The following ZFHX4 variants were observed in gnomAD, a reference collection of about 807,000 sequenced individuals.
ZFHX4 encodes the protein zinc finger homeobox protein 4.
Under a neutral mutation model 267.6 loss-of-function variants are expected in ZFHX4, and 56 were observed. The ratio of observed to expected loss-of-function variants is 0.21; its 90% confidence interval spans 0.17 to 0.26. The LOEUF is 0.26. Among genes scored for constraint, ZFHX4 ranks in the 10% least tolerant of loss-of-function variants. The pLI, the probability that ZFHX4 is intolerant of heterozygous loss-of-function variation, is 1.00. For missense variants in ZFHX4, 4,332 were observed against 4,420.0 expected, an observed-to-expected ratio of 0.98 and a Z score of 0.56; for synonymous variants, 1,778 against 1,665.6, an observed-to-expected ratio of 1.07 and a Z score of -1.64.
At chr8:76,803,910 A>G (rs567934165) in intron 4 of ZFHX4, among the ~76,000 whole-genome samples, 1 of 152,282 alleles carries the variant, frequency 6.6e-6, no homozygotes, top group Admixed American at 6.6e-5. Context: ...TTGTAATTAT[A>G]CAAAAGTGAT....
chr8:76,784,774 A>G (rs1351270286), intron 4 of ZFHX4, among the ~76,000 whole-genome samples: 1 of 152,084 alleles, frequency 6.6e-6, no homozygotes, highest in African/African-American at 2.4e-5. Flanking sequence ...TTTAAAACTC[A>G]AGTGAATTTT....
intron 6 of ZFHX4, among the ~76,000 whole-genome samples, chr8:76,845,006 A>T (rs995044410): frequency 6.6e-6 from 1 of 152,134 alleles, no homozygotes. Flanking sequence ...TGTAAAAAAA[A>T]TACTAGCAAG....
chr8:76,700,582 C>T (rs1045213719), intron 1 of ZFHX4, among the ~76,000 whole-genome samples: 4 of 152,176 alleles, frequency 2.6e-5, no homozygotes, highest in Non-Finnish European at 5.9e-5. Flanking sequence ...AGAGTTTAGG[C>T]AGCAGTGACT....
chr8:76,863,742 A>G lies in ZFHX4; in HGVS notation c.10028A>G (p.Lys3343Arg). 6.4e-7 allele frequency: 1 copy of G among 1,555,202 alleles called. No individual in the cohort carries two copies. The highest frequency in any genetic ancestry group is 8.7e-7 in the Non-Finnish European group (1 of 1,148,920). The change falls in exon 11 of 11, where the codon AAA (lysine) becomes AGA (arginine). Residue 3343 changes from lysine to arginine, a missense_variant. By Grantham distance (26) the Lys-to-Arg change is conservative. Transcript: ENST00000651372. ...AAGCAACAGCAAGAACAGCAGCAGA[A>G]ACCAGTTCAGGCAAAGACATCCAAA... ...QQKQQQEQQQ[K>R]PVQAKTSKVE...
intron 3 of ZFHX4, among the ~76,000 whole-genome samples, chr8:76,708,989 A>G (rs1166197960): frequency 4.6e-5 from 7 of 152,214 alleles, no homozygotes; most frequent in Non-Finnish European, 8.8e-5. Context: ...AAATATGATT[A>G]CAAAATCCAT....
chr8:76,850,843 G>C (rs1443766273), intron 9 of ZFHX4, 43 bp from the exon 10 acceptor site: 2 of 1,462,532 alleles, frequency 1.4e-6, no homozygotes, highest in African/African-American at 2.9e-5. Context: ...TAAGGAGTAG[G>C]TTTTCTTATT....
At chr8:76,708,790 C>A (rs1429222129) in intron 3 of ZFHX4, among the ~76,000 whole-genome samples, 1 of 152,024 alleles carries the variant, frequency 6.6e-6, no homozygotes, top group East Asian at 1.9e-4. Context: ...TTTCTAAACC[C>A]TAATTACTGA....
At chr8:76,844,290 G>C (rs575981369) in intron 6 of ZFHX4, among the ~76,000 whole-genome samples, 1 of 152,242 alleles carries the variant, frequency 6.6e-6, no homozygotes, top group African/African-American at 2.4e-5. Flanking sequence ...TCACATAGTA[G>C]TACCAAAACA....
rs748889194 is a variant in ZFHX4, at chr8:76,864,478, A to C, written c.10764A>C (p.Leu3588Phe). 9 of 1,613,698 alleles carry C rather than the reference A, an allele frequency of 5.6e-6. No individual in the cohort carries two copies. Among genetic ancestry groups the C allele is most frequent in the Non-Finnish European group, 7.6e-6 (9 of 1,179,824 alleles). ...DSELSQKLED[L>F]DNSLEVKAKP... ...AGCTGAGCCAGAAGCTAGAAGACTT[A>C]GATAATTCTTTGGAAGTGAAGGCTA... Residue 3588 changes from leucine (L) to phenylalanine (F), a missense_variant, in exon 11 of 11, where the codon TTA (leucine) becomes TTC (phenylalanine). Physicochemically the swap from Leu to Phe is conservative, Grantham distance 22. Around this residue, in one of 7 missense-constraint regions of ZFHX4, gnomAD observed 1,648 missense variants for 1,625.0 expected, o/e 1.01. Transcript: ENST00000651372.
chr8:76,757,572 C>G (rs952271269), intron 3 of ZFHX4, among the ~76,000 whole-genome samples: 1 of 152,186 alleles, frequency 6.6e-6, no homozygotes, highest in African/African-American at 2.4e-5. Context: ...GGTTTATGCC[C>G]AGGTCTGTTC....
chr8:76,794,873 TTGTGTGTGTGTGTGTGTGTG>T (rs71277761), intron 4 of ZFHX4, among the ~76,000 whole-genome samples: 1 of 143,098 alleles, frequency 7.0e-6, no homozygotes, highest in Non-Finnish European at 1.6e-5. Flanking sequence ...TGGCCTGTCA[TTGTGTGTGTGTGTGTGTGTG>T]TGTGTGTGTG....
intron 4 of ZFHX4, among the ~76,000 whole-genome samples, chr8:76,830,932 T>C (rs1437802832): frequency 2.0e-5 from 3 of 152,204 alleles, no homozygotes; most frequent in Admixed American, 6.5e-5. Flanking sequence ...CTTTACAGGC[T>C]CCCAAATATT....
chr8:76,748,837 A>G (rs1370192147), intron 3 of ZFHX4, among the ~76,000 whole-genome samples: 1 of 152,162 alleles, frequency 6.6e-6, no homozygotes, highest in African/African-American at 2.4e-5. Flanking sequence ...GAACATTTTT[A>G]TCCACTGTTT....
rs146803815 is a variant in ZFHX4, at chr8:76,754,480, C to T, written c.3094-23728C>T. Among the ~76,000 whole-genome samples the T allele has an allele frequency of 3.3e-3, 479 of 143,454 alleles. 8 individuals are homozygous for T. The East Asian group carries it at 0.063, about 19-fold the overall frequency. The allele number at this position is 143,454 out of a possible 152,430, so 94.1% of individuals were successfully genotyped here. A position where few individuals can be genotyped will look rare whatever the true frequency, so the allele number is the denominator to read the frequency against. On this transcript the variant is annotated intron_variant, in intron 3 of 10. Coordinates refer to ENST00000651372, the MANE Select transcript of ZFHX4 (RefSeq NM_024721.5). ...CTCCAGGCTGGGCAACAGAGCAAGACTCTGTCTCAAAAAAACAAAACAAAA... is the reference window on the plus strand; with the variant it reads ...CTCCAGGCTGGGCAACAGAGCAAGATTCTGTCTCAAAAAAACAAAACAAAA...
At chr8:76,785,766 T>C (rs1810671284) in intron 4 of ZFHX4, among the ~76,000 whole-genome samples, 1 of 152,152 alleles carries the variant, frequency 6.6e-6, no homozygotes, top group Non-Finnish European at 1.5e-5. Context: ...TGAGGCAATT[T>C]TTCAAAGAAT....
At chr8:76,815,472 T>C (rs1337283343) in intron 4 of ZFHX4, among the ~76,000 whole-genome samples, 2 of 152,120 alleles carry the variant, frequency 1.3e-5, no homozygotes, top group African/African-American at 2.4e-5. Context: ...TGGAAGGGAT[T>C]AGCTATCACT....
At chr8:76,859,901 A>G (rs1017944153) in intron 10 of ZFHX4, among the ~76,000 whole-genome samples, 1 of 152,144 alleles carries the variant, frequency 6.6e-6, no homozygotes, top group Non-Finnish European at 1.5e-5. Flanking sequence ...CTATCAGGAC[A>G]AGGTAGCTAT....
At chr8:76,806,052 T>A (rs1285902184) in intron 4 of ZFHX4, among the ~76,000 whole-genome samples, 1 of 152,128 alleles carries the variant, frequency 6.6e-6, no homozygotes, top group Admixed American at 6.6e-5. Context: ...AGAAATTAGA[T>A]AACCTTCATT....
At position 76,704,954 on chromosome 8, in the gene ZFHX4, A is replaced by T. The variant is rs369925965; in HGVS notation, c.866A>T (p.Tyr289Phe). The T allele has an allele frequency of 3.7e-6, 6 of 1,614,028 alleles. No individual in the cohort carries two copies. The Admixed American group carries it at 8.3e-5, about 22-fold the overall frequency. ...TTCTTGTGCAAGTTGTCTTTTGGTT[A>T]TATCAGGTCATTTGTAACCCATGCT... ...MCFLCKLSFG[Y>F]IRSFVTHAVH... The change falls in exon 2 of 11, where the codon TAT (tyrosine) becomes TTT (phenylalanine). Residue 289 changes from tyrosine (Y) to phenylalanine (F), a missense_variant. Physicochemically the swap from Tyr to Phe is conservative, Grantham distance 22 (BLOSUM62 3). Coordinates refer to ENST00000651372, the MANE Select transcript of ZFHX4 (RefSeq NM_024721.5).
Sources: allele counts gnomAD v4.1 joint callset (sites outside exome capture counted in the v4.1 genomes callset), GRCh38; gene constraint gnomAD v4.1.1; regional missense constraint gnomAD v4.1.1; transcripts MANE v1.5; gene names NCBI Gene and HGNC (gene_info 2026-07-23, HGNC 2026-07-21).